DNAJC3: variants seen among roughly 807,000 people sequenced by gnomAD.
DNAJC3 encodes DnaJ heat shock protein family (Hsp40) member C3.
In DNAJC3, 38 loss-of-function variants were observed where a neutral mutation model predicts 68.6. The ratio of observed to expected loss-of-function variants is 0.55; its 90% CI spans 0.43 to 0.73. The LOEUF (loss-of-function observed/expected upper bound fraction) is 0.73, where lower values mean the gene tolerates loss of function less well. DNAJC3 is among the 30% of genes least tolerant of loss of function. The pLI is 0.00. For missense variants in DNAJC3, 526 were observed against 591.9 expected (o/e 0.89, Z 1.16); for synonymous variants, 203 against 204.0 (o/e 1.00, Z 0.04).
chr13:95,769,546 C>G (rs1042199952), intron 9 of DNAJC3, among the ~76,000 whole-genome samples: 3 of 152,234 alleles, frequency 2.0e-5, no homozygotes, highest in Non-Finnish European at 4.4e-5. Context: ...GCTTCTGAAA[C>G]TTCCACCTCT....
intron 9 of DNAJC3, among the ~76,000 whole-genome samples, chr13:95,779,719 T>C (rs1473606326): frequency 6.6e-6 from 1 of 152,210 alleles, no homozygotes; most frequent in African/African-American, 2.4e-5. Flanking sequence ...TTCTGCCTTG[T>C]GATTACTCTT....
chr13:95,716,134 G>A (rs1881137086), intron 2 of DNAJC3, among the ~76,000 whole-genome samples: 1 of 152,076 alleles, frequency 6.6e-6, no homozygotes, highest in Non-Finnish European at 1.5e-5. Flanking sequence ...CTCCAGCCTG[G>A]GCGAGAGTGA....
intron 4 of DNAJC3, among the ~76,000 whole-genome samples, chr13:95,737,459 T>C (rs1390611248): frequency 2.0e-5 from 3 of 151,170 alleles, no homozygotes; most frequent in Non-Finnish European, 4.4e-5. Flanking sequence ...CCTGGACTCT[T>C]TTTGGTTGGT....
chr13:95,723,497 T>A, intron 3 of DNAJC3, 131 bp downstream of exon 3: 1 of 992,946 alleles, frequency 1.0e-6, no homozygotes. Flanking sequence ...TGTTGTGGAC[T>A]GAGGAACAAG....
intron 6 of DNAJC3, 46 bp from the exon 7 acceptor site, chr13:95,760,629 CATTG>C: frequency 1.3e-6 from 2 of 1,556,910 alleles, no homozygotes; most frequent in Middle Eastern, 1.9e-4. Context: ...GAAAACTACT[CATTG>C]ATTGTTTTGA....
Position 95,691,338 on chromosome 13 carries a change from C to T in DNAJC3, c.82+14001C>T, listed in dbSNP as rs371498801. ...GCGGAGGGACTCCTCACTTCTCAGA[C>T]GGGGCGGTTGCCAGGCAGAGGGTCT... On this transcript the variant is annotated intron_variant, in intron 1 of 11. Transcript: ENST00000602402. Among the ~76,000 whole-genome samples the T allele has an allele frequency of 3.6e-4, 54 of 150,156 alleles. No homozygotes were observed. The East Asian group carries it at 6.1e-3, about 17-fold the overall frequency.
intron 4 of DNAJC3, chr13:95,744,900 C>T (rs377195783): frequency 3.9e-5 from 6 of 152,058 alleles, no homozygotes; most frequent in Admixed American, 6.6e-5. Flanking sequence ...AAAATCAAGA[C>T]GTATTTTACA....
chr13:95,751,815 C>G (rs1208353268), intron 4 of DNAJC3, among the ~76,000 whole-genome samples: 1 of 152,156 alleles, frequency 6.6e-6, no homozygotes, highest in Non-Finnish European at 1.5e-5. Context: ...CTGGGGAGGC[C>G]TCACAATCAT....
In DNAJC3 at chr13:95,677,238, A is replaced by G; in HGVS notation, c.-18A>G. The G allele has an allele frequency of 6.3e-7, 1 of 1,598,580 alleles. No individual in the cohort carries two copies. The highest frequency in any genetic ancestry group is 8.5e-7 in the Non-Finnish European group (1 of 1,173,982). On this transcript the variant is annotated 5_prime_UTR_variant, in exon 1 of 12. Coordinates refer to ENST00000602402, the MANE Select transcript of DNAJC3 (RefSeq NM_006260.5). The stretch of plus-strand genomic sequence containing the variant: ...GGGCCACACACCTTTCCTCCTCTTC[A>G]CTCGCGAGCCCTCGGACATGGTGGC...
chr13:95,691,827 C>T (rs1000897119), intron 1 of DNAJC3, among the ~76,000 whole-genome samples: 48 of 152,342 alleles, frequency 3.2e-4, no homozygotes, highest in Non-Finnish European at 4.6e-4. Flanking sequence ...CGGAGGCTGG[C>T]GGATCACTCG....
rs1322448391 is a variant in DNAJC3, at chr13:95,735,606, G to A, written c.393+10354G>A. Among the ~76,000 whole-genome samples the A allele has an allele frequency of 3.2e-4, 48 of 151,052 alleles. 1 individual carries two copies. The highest frequency in any genetic ancestry group is 4.6e-4 in the Non-Finnish European group (31 of 67,916). ...GCATTTTTTCATGTGTTTTTTGGCCGCATAAATGTCTTCTTTTGAGAAGTG... is the reference window on the plus strand; with the variant it reads ...GCATTTTTTCATGTGTTTTTTGGCCACATAAATGTCTTCTTTTGAGAAGTG... On this transcript the variant is annotated intron_variant, in intron 4 of 11. Transcript: ENST00000602402.
Position 95,677,147 on chromosome 13 carries a change from T to G in DNAJC3, c.-109T>G, listed in dbSNP as rs938431855. 1 of 966,072 alleles carries G rather than the reference T, an allele frequency of 1.0e-6. No homozygotes were observed. Among genetic ancestry groups the G allele is most frequent in the Non-Finnish European group, 1.5e-6 (1 of 660,814 alleles). The allele number at this position is 966,072 out of a possible 1,614,324, so 59.8% of individuals were successfully genotyped here. A position where few individuals can be genotyped will look rare whatever the true frequency, so the allele number is the denominator to read the frequency against. The stretch of plus-strand genomic sequence containing the variant: ...TTCCTCTGCTGGGCTCCAGAGCCAC[T>G]GAGGCCTGAGCGAGAGCCGACGGCG... On this transcript the variant is annotated 5_prime_UTR_variant, in exon 1 of 12. Coordinates refer to ENST00000602402, the MANE Select transcript of DNAJC3 (RefSeq NM_006260.5).
chr13:95,769,448 A>G (rs895996697), intron 9 of DNAJC3, among the ~76,000 whole-genome samples: 1 of 152,252 alleles, frequency 6.6e-6, no homozygotes, highest in African/African-American at 2.4e-5. Context: ...ATGTGACTTT[A>G]TAAGTTGGAG....
intron 1 of DNAJC3, among the ~76,000 whole-genome samples, chr13:95,686,246 C>T (rs1219344091): frequency 6.6e-6 from 1 of 151,922 alleles, no homozygotes; most frequent in Non-Finnish European, 1.5e-5. Context: ...CAGGCGTGAG[C>T]CAGTGCGCCT....
chr13:95,742,924 G>T (rs1328468379), intron 4 of DNAJC3: 3 of 463,000 alleles, frequency 6.5e-6, no homozygotes, highest in African/African-American at 6.0e-5. Context: ...TTATTTTTAA[G>T]CCCATAGTCT....
In DNAJC3 at chr13:95,763,892, C is replaced by T. The variant is rs1172122509; in HGVS notation, c.1014C>T (p.Asp338=). ...VCSEVLQMEP[D]NVNALKDRAE... ...CTGAAGTTTTACAGATGGAACCTGA[C>T]AATGTGAATGCCCTGAAAGATCGAG... is the stretch of plus-strand genomic sequence containing the variant. Residue 338 remains aspartate, a synonymous_variant, in exon 9 of 12, where the codon GAC becomes GAT. Transcript: ENST00000602402. 1.9e-6 allele frequency: 3 copies of T among 1,613,994 alleles called. No individual in the cohort carries two copies. The African/African-American group carries it at 4.0e-5, about 22-fold the overall frequency.
chr13:95,698,009 A>C (rs1301817296), intron 1 of DNAJC3, among the ~76,000 whole-genome samples: 1 of 151,706 alleles, frequency 6.6e-6, no homozygotes, highest in Non-Finnish European at 1.5e-5. Flanking sequence ...CAACATTCAG[A>C]TTTTTCATGG....
chr13:95,747,249 A>G (rs1190341502), intron 4 of DNAJC3, among the ~76,000 whole-genome samples: 2 of 152,220 alleles, frequency 1.3e-5, no homozygotes, highest in Non-Finnish European at 2.9e-5. Flanking sequence ...GTAAGAATTA[A>G]TCAGGCAAAT....
intron 11 of DNAJC3, among the ~76,000 whole-genome samples, chr13:95,788,289 C>T (rs1438963003): frequency 1.3e-5 from 2 of 152,206 alleles, no homozygotes; most frequent in East Asian, 3.9e-4. Context: ...TTAGTTTGTG[C>T]AGTGCACAGG....
Sources: gnomAD v4.1 joint callset for allele counts (sites outside exome capture counted in the v4.1 genomes callset) on GRCh38, gnomAD v4.1.1 for gene constraint, MANE v1.5 for transcripts, NCBI Gene and HGNC (gene_info 2026-07-23, HGNC 2026-07-21) for gene names.